SGCZ: variants seen among roughly 807,000 people sequenced by gnomAD.
SGCZ encodes the protein sarcoglycan zeta, also known as zeta-sarcoglycan.
SGCZ carries 40 observed loss-of-function variants against 41.3 expected under a neutral mutation model. That is an observed-to-expected ratio of 0.97 (90% CI 0.75 to 1.26). The LOEUF (loss-of-function observed/expected upper bound fraction) is 1.26. Ranked by LOEUF, SGCZ falls within the 50% of genes most tolerant of loss-of-function variation. SGCZ has a pLI of 0.00. For missense variants in SGCZ, 552 were observed against 369.8 expected, an observed-to-expected ratio of 1.49 and a Z score of -4.04; for synonymous variants, 206 against 137.5, an observed-to-expected ratio of 1.50 and a Z score of -3.49.
intron 1 of SGCZ, among the ~76,000 whole-genome samples, chr8:15,033,351 C>A (rs1443434602): frequency 6.6e-6 from 1 of 151,936 alleles, no homozygotes; most frequent in African/African-American, 2.4e-5. Flanking sequence ...GCTCCAGGAA[C>A]CAGGCTAGCA....
In SGCZ at chr8:15,186,262, C is replaced by CAAAAAAAAAAA. The variant is rs61237091; in HGVS notation, c.39+51312_39+51322dup. Among the ~76,000 whole-genome samples the CAAAAAAAAAAA allele has an allele frequency of 4.6e-4, 37 of 80,710 alleles. 2 individuals carry two copies. Among genetic ancestry groups the CAAAAAAAAAAA allele is most frequent in the Admixed American group, 8.3e-4 (6 of 7,212 alleles). 52.9% of individuals were successfully genotyped at this position (80,710 alleles called of 152,430 possible). ...GGGCAACAGAGGGAAGATTCCGTAC[C>CAAAAAAAAAAA]AAAAAAAAAAAAAAAAAAAAAAAAA... On this transcript the variant is annotated intron_variant, in intron 1 of 7. Transcript: ENST00000382080.
chr8:14,990,849 G>C (rs1429224931), intron 1 of SGCZ, among the ~76,000 whole-genome samples: 2 of 152,020 alleles, frequency 1.3e-5, no homozygotes, highest in Non-Finnish European at 2.9e-5. Flanking sequence ...TGAGGTACAG[G>C]GAGAGAAAGG....
chr8:14,731,326 G>A (rs1382959982), intron 1 of SGCZ, among the ~76,000 whole-genome samples: 2 of 148,734 alleles, frequency 1.3e-5, no homozygotes, highest in Non-Finnish European at 3.0e-5. Context: ...ATAAGTGGGA[G>A]TTGAACAATG....
At chr8:15,188,638 G>C (rs1392646130) in intron 1 of SGCZ, among the ~76,000 whole-genome samples, 1 of 152,054 alleles carries the variant, frequency 6.6e-6, no homozygotes, top group Non-Finnish European at 1.5e-5. Context: ...AAACGGATAA[G>C]GATCATTTGT....
chr8:14,903,733 ACAGT>A (rs1244334438), intron 1 of SGCZ, among the ~76,000 whole-genome samples: 8 of 152,042 alleles, frequency 5.3e-5, no homozygotes, highest in African/African-American at 1.9e-4. Flanking sequence ...GTGTATAGGG[ACAGT>A]CAGAGTACAT....
At chr8:14,312,760 C>G (rs77190265) in intron 3 of SGCZ, among the ~76,000 whole-genome samples, 2,234 of 152,206 alleles carry the variant, frequency 0.015, 26 homozygotes, top group Non-Finnish European at 0.024. Flanking sequence ...AAATTCCTAT[C>G]CACTGGAGAG....
chr8:15,070,074 G>A (rs1293119019), intron 1 of SGCZ, among the ~76,000 whole-genome samples: 1 of 152,090 alleles, frequency 6.6e-6, no homozygotes, highest in Non-Finnish European at 1.5e-5. Context: ...AATTCTTCCA[G>A]TGTGAAACAT....
At chr8:14,706,045 T>C (rs2117611236) in intron 1 of SGCZ, among the ~76,000 whole-genome samples, 1 of 152,138 alleles carries the variant, frequency 6.6e-6, no homozygotes, top group South Asian at 2.1e-4. Context: ...AATTTATTTT[T>C]CTTTTATTGG....
At chr8:14,193,499 A>G (rs1205746779) in intron 4 of SGCZ, among the ~76,000 whole-genome samples, 1 of 152,090 alleles carries the variant, frequency 6.6e-6, no homozygotes, top group Middle Eastern at 3.2e-3. Context: ...TAAACATATA[A>G]TATGTGAAGT....
chr8:14,558,506 C>T (rs923600214), intron 1 of SGCZ, among the ~76,000 whole-genome samples: 9 of 148,554 alleles, frequency 6.1e-5, no homozygotes, highest in African/African-American at 1.2e-4. Context: ...ACCCGGAAGG[C>T]AGAGGTTGCA....
intron 1 of SGCZ, among the ~76,000 whole-genome samples, chr8:15,226,276 C>T (rs1458592316): frequency 1.3e-5 from 2 of 152,092 alleles, no homozygotes; most frequent in Non-Finnish European, 1.5e-5. Flanking sequence ...TTCCCAGAGG[C>T]AGATAATATT....
chr8:15,062,348 T>C (rs1339515171), intron 1 of SGCZ, among the ~76,000 whole-genome samples: 1 of 152,188 alleles, frequency 6.6e-6, no homozygotes, highest in Non-Finnish European at 1.5e-5. Context: ...AATAATATCA[T>C]ATACTTTTTA....
At chr8:15,117,344 G>A (rs1196261977) in intron 1 of SGCZ, among the ~76,000 whole-genome samples, 1 of 151,918 alleles carries the variant, frequency 6.6e-6, no homozygotes, top group Non-Finnish European at 1.5e-5. Context: ...GGGCGACAGA[G>A]CGAGACTCCA....
At chr8:14,118,414 T>A (rs1802591716) in intron 5 of SGCZ, among the ~76,000 whole-genome samples, 2 of 152,128 alleles carry the variant, frequency 1.3e-5, no homozygotes, top group Admixed American at 1.3e-4. Context: ...TTTGATGGGG[T>A]TGTTTTTTTC....
chr8:14,551,582 T>C (rs931215876), intron 2 of SGCZ, among the ~76,000 whole-genome samples: 2 of 26,648 alleles, frequency 7.5e-5, no homozygotes, highest in Admixed American at 6.6e-4. Context: ...ATATATATAA[T>C]ATATATAATA....
intron 1 of SGCZ, among the ~76,000 whole-genome samples, chr8:15,178,141 T>C (rs1312078292): frequency 2.0e-5 from 3 of 152,080 alleles, no homozygotes; most frequent in Non-Finnish European, 2.9e-5. Flanking sequence ...CCTTGGAATT[T>C]CTCTAAAGCA....
At chr8:14,521,895 T>C (rs1277361136) in intron 2 of SGCZ, among the ~76,000 whole-genome samples, 1 of 152,132 alleles carries the variant, frequency 6.6e-6, no homozygotes, top group Admixed American at 6.6e-5. Flanking sequence ...GCTGTAAGTT[T>C]GCTGTAGATG....
Position 14,289,041 on chromosome 8 carries a change from T to G in SGCZ, c.336+35062A>C, listed in dbSNP as rs758032867. On this transcript the variant is annotated intron_variant, in intron 3 of 7. Transcript: ENST00000382080. ...TCTTGATGGCTAACAATATTGAACA[T>G]CTGTATGTACTTGATATCTATTCGT... Among the ~76,000 whole-genome samples, 4 of 152,176 alleles carry G rather than the reference T, an allele frequency of 2.6e-5. No individual in the cohort carries two copies. The South Asian group carries it at 8.3e-4, about 31-fold the overall frequency.
intron 1 of SGCZ, among the ~76,000 whole-genome samples, chr8:15,089,296 A>T (rs1806063550): frequency 6.6e-6 from 1 of 152,182 alleles, no homozygotes; most frequent in African/African-American, 2.4e-5. Context: ...TAGAACAGAA[A>T]TAAATAGATT....
Sources: gnomAD v4.1 joint callset for allele counts (sites outside exome capture counted in the v4.1 genomes callset) on GRCh38, gnomAD v4.1.1 for gene constraint, MANE v1.5 for transcripts, NCBI Gene and HGNC (gene_info 2026-07-23, HGNC 2026-07-21) for gene names.